UNC80: variants seen among roughly 807,000 people sequenced by gnomAD.
UNC80 encodes the protein unc-80 subunit of NALCN channel complex.
In UNC80, 164 loss-of-function variants were observed where a neutral mutation model predicts 384.6. The ratio of observed to expected loss-of-function variants is 0.43; its 90% confidence interval spans 0.38 to 0.49. The LOEUF (loss-of-function observed/expected upper bound fraction) is 0.49, where lower values mean the gene tolerates loss of function less well. UNC80 is among the 20% of genes least tolerant of loss of function. The probability of loss-of-function intolerance (pLI) is 0.00; values close to 1 mark genes in which losing one functional copy is unlikely to be tolerated. For synonymous variants in UNC80, 1,486 were observed against 1,527.8 expected (o/e 0.97, Z 0.64); for missense variants, 3,330 against 4,143.0 (o/e 0.80, Z 5.39).
In UNC80 at chr2:209,776,006, C is replaced by A. The variant is rs1337760137; in HGVS notation, c.259C>A (p.His87Asn). The change falls in exon 3 of 65, where the codon CAC (histidine) becomes AAC (asparagine). Residue 87 changes from histidine to asparagine, a missense_variant. Around this residue, in one of 8 missense-constraint regions of UNC80, gnomAD observed 86 missense variants for 141.5 expected, o/e 0.61. Coordinates refer to ENST00000673920, the MANE Select transcript of UNC80 (RefSeq NM_001371986.1). ...LVQAALPHVL[H>N]CTATLLSNRN... ...GCAAGCTGCTTTGCCTCATGTCCTC[C>A]ACTGCACTGCAACCCTGCTTTCAAA... 2 of 1,614,152 alleles carry A rather than the reference C, an allele frequency of 1.2e-6. No individual in the cohort carries two copies. The highest frequency in any genetic ancestry group is 2.2e-5 in the South Asian group (2 of 91,082).
intron 30 of UNC80, 43 bp downstream of exon 30, chr2:209,912,710 G>A (rs1448010099): frequency 1.5e-6 from 2 of 1,367,212 alleles, no homozygotes; most frequent in Non-Finnish European, 2.0e-6. Flanking sequence ...ACTTTTAACA[G>A]GGAGGGGACT....
Position 209,906,252 on chromosome 2 carries a change from T to A in UNC80, c.4782+1287T>A, listed in dbSNP as rs184385240. On this transcript the variant is annotated intron_variant, in intron 29 of 64. Coordinates refer to ENST00000673920, the MANE Select transcript of UNC80 (RefSeq NM_001371986.1). The stretch of plus-strand genomic sequence containing the variant: ...CTTAGTGCTCACAAAGGGATTTTTT[T>A]AATTACAACTTTTTTATTATGAAAG... 3.3e-5 allele frequency among the ~76,000 whole-genome samples: 5 copies of A among 152,280 alleles called. No homozygotes were observed. In the East Asian group the frequency reaches 5.8e-4, roughly 18 times the overall value.
Position 209,878,216 on chromosome 2 carries a change from C to A in UNC80, c.3976+127C>A, listed in dbSNP as rs767565518. The A allele has an allele frequency of 5.5e-4, 551 of 1,005,296 alleles. 1 individual carries two copies. The highest frequency in any genetic ancestry group is 6.3e-4 in the Non-Finnish European group (472 of 746,558). The allele number at this position is 1,005,296 out of a possible 1,614,324, so 62.3% of individuals were successfully genotyped here. A position where few individuals can be genotyped will look rare whatever the true frequency, so the allele number is the denominator to read the frequency against. On this transcript the variant is annotated intron_variant, in intron 24 of 64. Transcript: ENST00000673920. ...CCATGTCTTTCCACTGCTCCTTCTC[C>A]CCTTTTCCCTGTGCATGGGTGTAAA...
Position 209,939,516 on chromosome 2 carries a change from C to T in UNC80, c.6510C>T (p.Leu2170=). ...AAGAAGTAGGGCGGGTGTTGTTTCTCATCTCCCTAACCCAGAAGATCCCCA... is the reference window on the plus strand; with the variant it reads ...AAGAAGTAGGGCGGGTGTTGTTTCTTATCTCCCTAACCCAGAAGATCCCCA... The part of the protein sequence containing the change: ...KLEEVGRVLF[L]ISLTQKIPTA... The change falls in exon 43 of 65, where the codon CTC becomes CTT. Residue 2170 remains leucine, a synonymous_variant. Transcript: ENST00000673920. The T allele has an allele frequency of 1.3e-6, 2 of 1,551,400 alleles. No homozygotes were observed. The highest frequency in any genetic ancestry group is 1.7e-6 in the Non-Finnish European group (2 of 1,146,820).
At chr2:209,850,509 A>G (rs2082452432) in intron 22 of UNC80, among the ~76,000 whole-genome samples, 1 of 152,150 alleles carries the variant, frequency 6.6e-6, no homozygotes, top group African/African-American at 2.4e-5. Flanking sequence ...TTGGAAAATA[A>G]TCCAAGCCTT....
intron 33 of UNC80, among the ~76,000 whole-genome samples, chr2:209,920,092 C>T (rs1250816644): frequency 6.6e-6 from 1 of 152,068 alleles, no homozygotes; most frequent in African/African-American, 2.4e-5. Context: ...TCACTTGAAC[C>T]CAGGAGGTGG....
At chr2:209,894,832 G>A (rs1209220505) in intron 27 of UNC80, among the ~76,000 whole-genome samples, 1 of 152,134 alleles carries the variant, frequency 6.6e-6, no homozygotes, top group East Asian at 1.9e-4. Flanking sequence ...ACTACCTAAA[G>A]ATTCTCTATA....
intron 23 of UNC80, among the ~76,000 whole-genome samples, chr2:209,874,684 T>G (rs1370689271): frequency 6.6e-6 from 1 of 152,228 alleles, no homozygotes; most frequent in Non-Finnish European, 1.5e-5. Context: ...TCTTAATTTC[T>G]TCCAATATAA....
chr2:209,849,720 T>G (rs2082389285), intron 22 of UNC80, 97 bp downstream of exon 22: 5 of 1,281,692 alleles, frequency 3.9e-6, no homozygotes, highest in Non-Finnish European at 5.2e-6. Context: ...CCTCCTGTGT[T>G]TGTTTGTTTG....
intron 18 of UNC80, among the ~76,000 whole-genome samples, chr2:209,838,059 C>G (rs1001635816): frequency 6.6e-6 from 1 of 152,290 alleles, no homozygotes; most frequent in East Asian, 1.9e-4. Flanking sequence ...GTGTGAGCCA[C>G]TGCGCCCGGC....
chr2:209,949,965 C>T (rs2092091027), intron 47 of UNC80, among the ~76,000 whole-genome samples: 1 of 151,740 alleles, frequency 6.6e-6, no homozygotes, highest in Admixed American at 6.6e-5. Flanking sequence ...GTAGCCGGCA[C>T]TACAGGCGGG....
At chr2:209,800,792 T>G (rs1008504373) in intron 7 of UNC80, among the ~76,000 whole-genome samples, 39 of 152,332 alleles carry the variant, frequency 2.6e-4, no homozygotes, top group African/African-American at 7.9e-4. Context: ...ACTTCTTGAT[T>G]TCTGCCTTAA....
chr2:209,903,496 T>C (rs1261178684), intron 28 of UNC80, among the ~76,000 whole-genome samples: 1 of 96,016 alleles, frequency 1.0e-5, no homozygotes, highest in African/African-American at 4.5e-5. Flanking sequence ...ATATATATAT[T>C]ATATATAGTA....
chr2:209,870,436 C>T (rs10490028), intron 22 of UNC80, among the ~76,000 whole-genome samples: 26,834 of 152,030 alleles, frequency 0.18, 3,311 homozygotes, highest in African/African-American at 0.35. Flanking sequence ...TGCAATACTG[C>T]TGGGTTTAAT....
chr2:209,958,857 G>T (rs942875267), intron 49 of UNC80, among the ~76,000 whole-genome samples: 4 of 152,150 alleles, frequency 2.6e-5, no homozygotes. Flanking sequence ...TATTCTATGA[G>T]TTTGTATATA....
At chr2:209,978,735 G>A (rs1171206432) in intron 59 of UNC80, 27 bp downstream of exon 59, 5 of 1,500,542 alleles carry the variant, frequency 3.3e-6, no homozygotes, top group African/African-American at 1.4e-5. Context: ...AATCTGGGCA[G>A]TAGACATGGC....
intron 8 of UNC80, 145 bp from the exon 9 acceptor site, chr2:209,815,112 G>C: frequency 1.5e-6 from 1 of 689,460 alleles, no homozygotes; most frequent in Non-Finnish European, 2.2e-6. Context: ...GCAGAATTTG[G>C]ATTCCAGAAG....
intron 15 of UNC80, 92 bp from the exon 16 acceptor site, chr2:209,831,351 C>G: frequency 7.6e-7 from 1 of 1,320,862 alleles, no homozygotes; most frequent in Non-Finnish European, 1.0e-6. Flanking sequence ...CATAGCACTT[C>G]ACTAATTCCT....
chr2:209,789,602 A>G lies in UNC80; in HGVS notation c.795A>G (p.Leu265=), dbSNP rs1261558757. 4.3e-6 allele frequency: 7 copies of G among 1,610,342 alleles called. No homozygotes were observed. The highest frequency in any genetic ancestry group is 5.9e-6 in the Non-Finnish European group (7 of 1,176,790). Residue 265 remains leucine (L), a synonymous_variant, in exon 6 of 65, where the codon TTA becomes TTG. Transcript: ENST00000673920. The part of the protein sequence containing the change: ...CESPNQDARH[L]EGLQVVCETF... Reference sequence around the variant, plus strand: ...CACCAAATCAAGATGCAAGACACTTAGAGGTTAGTTTATTATAATCATAAG... The same window carrying G: ...CACCAAATCAAGATGCAAGACACTTGGAGGTTAGTTTATTATAATCATAAG...
Sources: gnomAD v4.1 joint callset for allele counts (sites outside exome capture counted in the v4.1 genomes callset) on GRCh38, gnomAD v4.1.1 for gene constraint, gnomAD v4.1.1 regional missense constraint, MANE v1.5 for transcripts, NCBI Gene and HGNC (gene_info 2026-07-23, HGNC 2026-07-21) for gene names.